Variants in GCG observed in about 807,000 individuals in gnomAD.
The protein encoded by GCG is pro-glucagon.
A neutral mutation model predicts 22.8 loss-of-function variants in GCG; 11 were observed. That is an observed-to-expected ratio of 0.48 (90% CI 0.30 to 0.80). The LOEUF (loss-of-function observed/expected upper bound fraction) is 0.80, where lower values mean the gene tolerates loss of function less well. GCG is among the 30% of genes least tolerant of loss of function. The pLI, the probability that GCG is intolerant of heterozygous loss-of-function variation, is 0.06. For missense variants in GCG, 222 were observed against 222.0 expected, an observed-to-expected ratio of 1.00 and a Z score of 0.00; for synonymous variants, 89 against 72.4, an observed-to-expected ratio of 1.23 and a Z score of -1.16.
At chr2:162,144,268 A>C in intron 4 of GCG, 98 bp from the exon 5 acceptor site, 1 of 963,588 alleles carries the variant, frequency 1.0e-6, no homozygotes. Context: ...TGTCTTGAGG[A>C]AACAGTAAAG....
chr2:162,143,325 C>T lies in GCG; in HGVS notation c.*39G>A. ...CATTTCAAACATCCCACGTGGCTAG[C>T]AGGTGATGTTGTGAAGATGATCTTG... On this transcript the variant is annotated 3_prime_UTR_variant, in exon 6 of 6. Coordinates refer to ENST00000418842, the MANE Select transcript of GCG (RefSeq NM_002054.5). 1.7e-6 allele frequency: 2 copies of T among 1,197,060 alleles called. No individual in the cohort carries two copies. Among genetic ancestry groups the T allele is most frequent in the Non-Finnish European group, 2.3e-6 (2 of 856,630 alleles). The allele number at this position is 1,197,060 out of a possible 1,614,324, so 74.2% of individuals were successfully genotyped here.
intron 4 of GCG, chr2:162,144,419 G>A (rs1372956929): frequency 4.6e-6 from 2 of 436,372 alleles, no homozygotes; most frequent in African/African-American, 2.0e-5. Flanking sequence ...CTTCTAGGCT[G>A]TTTTGAAGAT....
chr2:162,144,167 G>T lies in GCG; in HGVS notation c.396C>A (p.Phe132Leu), dbSNP rs550012298. 1 of 1,609,022 alleles carries T rather than the reference G, an allele frequency of 6.2e-7. No individual in the cohort carries two copies. ...CTTCAACAATGGCGACCTCTTCTGG[G>T]AAACTAAGAAAATAAGTGTTAAAAT... ...WLVKGRGRRD[F>L]PEEVAIVEEL... is the part of the protein sequence containing the mutation. The change falls in exon 5 of 6, where the codon TTC becomes TTA. Residue 132 changes from phenylalanine (F) to leucine (L), a missense_variant. Coordinates refer to ENST00000418842, the MANE Select transcript of GCG (RefSeq NM_002054.5).
At chr2:162,147,703 T>A (rs1686724814) in intron 2 of GCG, 189 bp from the exon 3 acceptor site, 1 of 688,378 alleles carries the variant, frequency 1.5e-6, no homozygotes, top group East Asian at 2.6e-5. Context: ...TATAGTTGCA[T>A]ACGCTATTAT....
chr2:162,150,867 T>G (rs1042052525), intron 1 of GCG, among the ~76,000 whole-genome samples: 18 of 152,198 alleles, frequency 1.2e-4, no homozygotes, highest in African/African-American at 4.3e-4. Flanking sequence ...CTTCAGGAGC[T>G]GATGGAAGAA....
chr2:162,143,985 T>C lies in GCG; in HGVS notation c.536+42A>G, dbSNP rs576194632. ...GCAGCAGTATGACAATCAGTACTTATGAGAATTTGATGGTTTTCAGAATTA... is the reference window on the plus strand; with the variant it reads ...GCAGCAGTATGACAATCAGTACTTACGAGAATTTGATGGTTTTCAGAATTA... On this transcript the variant is annotated intron_variant, in intron 5 of 5. Transcript: ENST00000418842. 1.3e-5 allele frequency: 21 copies of C among 1,571,590 alleles called. No homozygotes were observed. The East Asian group carries it at 3.1e-4, about 23-fold the overall frequency.
At chr2:162,145,437 GACT>G in intron 4 of GCG, 100 bp downstream of exon 4, 1 of 916,940 alleles carries the variant, frequency 1.1e-6, no homozygotes, top group Non-Finnish European at 1.6e-6. Context: ...TACTTTGCAA[GACT>G]ACTAATTGCT....
chr2:162,144,212 T>TAA, intron 4 of GCG, 42 bp from the exon 5 acceptor site: 1 of 1,460,320 alleles, frequency 6.8e-7, no homozygotes, highest in Non-Finnish European at 9.6e-7. Context: ...ATTAGATATT[T>TAA]TCAATAAATG....
chr2:162,145,486 C>A lies in GCG; in HGVS notation c.392+54G>T. On this transcript the variant is annotated intron_variant, in intron 4 of 5. Transcript: ENST00000418842. Reference sequence around the variant, plus strand: ...AGATCCATATATAGATAACTGTAGTCTTAAATTTTCTGCATCAAGGCAAAA... The same window carrying A: ...AGATCCATATATAGATAACTGTAGTATTAAATTTTCTGCATCAAGGCAAAA... 5 of 1,488,740 alleles carry A rather than the reference C, an allele frequency of 3.4e-6. No individual in the cohort carries two copies. In the South Asian group the frequency reaches 4.0e-5, roughly 12 times the overall value. The allele number at this position is 1,488,740 out of a possible 1,614,324, so 92.2% of individuals were successfully genotyped here.
chr2:162,149,204 TGGGGGTAGGGTGAG>T lies in GCG; in HGVS notation c.-9-31_-9-18del. The T allele has an allele frequency of 6.8e-7, 1 of 1,472,100 alleles. No individual in the cohort carries two copies. Among genetic ancestry groups the T allele is most frequent in the Non-Finnish European group, 9.5e-7 (1 of 1,054,328 alleles). 91.2% of individuals were successfully genotyped at this position (1,472,100 alleles called of 1,614,324 possible). A position where few individuals can be genotyped will look rare whatever the true frequency, so the allele number is the denominator to read the frequency against. On this transcript the variant is annotated intron_variant, in intron 1 of 5. Transcript: ENST00000418842. Reference sequence around the variant, plus strand: ...TTCTGCTGTCTGTCAGAACACAGAATGGGGGTAGGGTGAGGGGGGCAGGCAAGGATTTTTAAACA... The same window carrying T: ...TTCTGCTGTCTGTCAGAACACAGAATGGGGGCAGGCAAGGATTTTTAAACA...
chr2:162,152,007 G>A (rs377455070), intron 1 of GCG, among the ~76,000 whole-genome samples, 151 bp downstream of exon 1: 1 of 152,138 alleles, frequency 6.6e-6, no homozygotes, highest in East Asian at 1.9e-4. Flanking sequence ...AAATGCATTT[G>A]ATATAACCTT....
chr2:162,148,567 A>T (rs1398164894), intron 2 of GCG, among the ~76,000 whole-genome samples: 1 of 152,104 alleles, frequency 6.6e-6, no homozygotes, highest in Non-Finnish European at 1.5e-5. Context: ...GAGCCAAGAG[A>T]TATTTATGTA....
chr2:162,146,278 T>A (rs998418332), intron 3 of GCG, among the ~76,000 whole-genome samples: 1 of 152,154 alleles, frequency 6.6e-6, no homozygotes, highest in African/African-American at 2.4e-5. Context: ...CACCTCATTT[T>A]AAACACATAG....
chr2:162,151,034 ATTGT>A (rs997990883), intron 1 of GCG, among the ~76,000 whole-genome samples: 3 of 152,134 alleles, frequency 2.0e-5, no homozygotes, highest in Non-Finnish European at 4.4e-5. Flanking sequence ...AATAGAGTTA[ATTGT>A]TTGAATACAA....
rs553711522 is a variant in GCG, at chr2:162,148,121, G to A, written c.93-607C>T. ...CAATGTAATTAATACTCAGAAATGA[G>A]ATACTATTTTTACCTATGAAATTAG... On this transcript the variant is annotated intron_variant, in intron 2 of 5. Coordinates refer to ENST00000418842, the MANE Select transcript of GCG (RefSeq NM_002054.5). Among the ~76,000 whole-genome samples the A allele has an allele frequency of 3.9e-5, 6 of 152,220 alleles. No homozygotes were observed. The East Asian group carries it at 1.2e-3, about 29-fold the overall frequency.
In GCG at chr2:162,145,579, T is replaced by G; in HGVS notation, c.353A>C (p.Glu118Ala). The G allele has an allele frequency of 6.2e-7, 1 of 1,611,762 alleles. No individual in the cohort carries two copies. Among genetic ancestry groups the G allele is most frequent in the Non-Finnish European group, 8.5e-7 (1 of 1,178,764 alleles). Residue 118 changes from glutamate (E) to alanine (A), a missense_variant, in exon 4 of 6, where the codon GAA (glutamate) becomes GCA (alanine). Glu to Ala is a moderately radical substitution (Grantham distance 107). Coordinates refer to ENST00000418842, the MANE Select transcript of GCG (RefSeq NM_002054.5). The part of the protein sequence containing the change: ...SSYLEGQAAK[E>A]FIAWLVKGRG... ...GCCTTTCACCAGCCAAGCAATGAATTCCTTGGCAGCTTGGCCTTCCAAATA... is the reference window on the plus strand; with the variant it reads ...GCCTTTCACCAGCCAAGCAATGAATGCCTTGGCAGCTTGGCCTTCCAAATA...
At chr2:162,150,830 G>A (rs1417886448) in intron 1 of GCG, among the ~76,000 whole-genome samples, 2 of 152,038 alleles carry the variant, frequency 1.3e-5, no homozygotes, top group African/African-American at 4.8e-5. Context: ...CCATTGAGGA[G>A]GATTTAGAGC....
At chr2:162,150,024 A>G (rs1686793755) in intron 1 of GCG, among the ~76,000 whole-genome samples, 1 of 152,076 alleles carries the variant, frequency 6.6e-6, no homozygotes, top group African/African-American at 2.4e-5. Context: ...TGGTTATAGG[A>G]TACACCTGAT....
At chr2:162,148,769 T>C (rs1310428506) in intron 2 of GCG, among the ~76,000 whole-genome samples, 1 of 152,124 alleles carries the variant, frequency 6.6e-6, no homozygotes, top group East Asian at 1.9e-4. Context: ...AGAAAAGAGT[T>C]GGTGCGAATA....
Sources: allele counts gnomAD v4.1 joint callset (sites outside exome capture counted in the v4.1 genomes callset), GRCh38; gene constraint gnomAD v4.1.1; transcripts MANE v1.5; gene names NCBI Gene and HGNC (gene_info 2026-07-23, HGNC 2026-07-21).